Variants in SLC35D1 observed in about 807,000 individuals in gnomAD.
The protein encoded by SLC35D1 is nucleotide sugar transporter SLC35D1.
A neutral mutation model predicts 46.7 loss-of-function variants in SLC35D1; 31 were observed. The ratio of observed to expected loss-of-function variants is 0.66; its 90% confidence interval spans 0.50 to 0.90. SLC35D1 has a LOEUF of 0.90. Among genes scored for constraint, SLC35D1 ranks in the 40% least tolerant of loss-of-function variants. The pLI, the probability that SLC35D1 is intolerant of heterozygous loss-of-function variation, is 0.00. For synonymous variants in SLC35D1, 195 were observed against 164.6 expected (o/e 1.18, Z -1.41); for missense variants, 397 against 426.2 (o/e 0.93, Z 0.60).
chr1:67,020,586 A>C (rs1056928065), intron 9 of SLC35D1, 139 bp from the exon 10 acceptor site: 1 of 670,614 alleles, frequency 1.5e-6, no homozygotes, highest in Admixed American at 2.3e-5. Flanking sequence ...ACTGCTTCTT[A>C]TACTGCAGCT....
At chr1:67,052,721 T>A (rs780765804) in intron 3 of SLC35D1, 50 bp downstream of exon 3, 1 of 1,586,718 alleles carries the variant, frequency 6.3e-7, no homozygotes, top group Non-Finnish European at 8.7e-7. Context: ...AATATGTTAA[T>A]ACATACTGAC....
intron 7 of SLC35D1, among the ~76,000 whole-genome samples, chr1:67,043,534 G>C (rs1645218605): frequency 6.6e-6 from 1 of 152,216 alleles, no homozygotes; most frequent in East Asian, 1.9e-4. Context: ...ACCAGAGCAA[G>C]ACCCTGGCTC....
chr1:67,039,346 T>A (rs966142722), intron 8 of SLC35D1, among the ~76,000 whole-genome samples: 1 of 152,184 alleles, frequency 6.6e-6, no homozygotes, highest in Non-Finnish European at 1.5e-5. Flanking sequence ...GTTTATGTGG[T>A]CCTATAATCA....
At position 67,018,500 on chromosome 1, in the gene SLC35D1, C is replaced by G. The variant is rs116026794; in HGVS notation, c.876+1869G>C. On this transcript the variant is annotated intron_variant, in intron 10 of 11. Coordinates refer to ENST00000235345, the MANE Select transcript of SLC35D1 (RefSeq NM_015139.3). The stretch of plus-strand genomic sequence containing the variant: ...TCAAAAAAGAAATTATCAAGAAGCA[C>G]AGAAGAGTCATGATAGCTCAAAACT... 5.9e-3 allele frequency among the ~76,000 whole-genome samples: 901 copies of G among 152,278 alleles called. 7 individuals carry two copies. The highest frequency in any genetic ancestry group is 0.02 in the African/African-American group (840 of 41,558).
intron 7 of SLC35D1, among the ~76,000 whole-genome samples, chr1:67,042,968 C>T (rs1219707257): frequency 1.3e-5 from 2 of 152,120 alleles, no homozygotes; most frequent in African/African-American, 2.4e-5. Flanking sequence ...GAGGCTGAGG[C>T]AGGCAGATCA....
chr1:66,986,403 G>C, the SLC35D1 span: 1 of 1,612,238 alleles, frequency 6.2e-7, no homozygotes. Context: ...TCTCACACAG[G>C]CATACTCCAA....
At chr1:67,012,365 G>A (rs898916820) in intron 10 of SLC35D1, among the ~76,000 whole-genome samples, 1 of 151,714 alleles carries the variant, frequency 6.6e-6, no homozygotes, top group African/African-American at 2.4e-5. Flanking sequence ...TTTTTGGGCG[G>A]GGGCATGGGA....
intron 8 of SLC35D1, among the ~76,000 whole-genome samples, chr1:67,041,768 A>G (rs1283759301): frequency 1.3e-5 from 2 of 152,196 alleles, no homozygotes; most frequent in Non-Finnish European, 2.9e-5. Context: ...CACAATGCTA[A>G]ATATCTCCTG....
At chr1:67,013,792 G>A (rs188029390) in intron 10 of SLC35D1, among the ~76,000 whole-genome samples, 1 of 152,146 alleles carries the variant, frequency 6.6e-6, no homozygotes, top group Non-Finnish European at 1.5e-5. Context: ...TTTTAGAGGT[G>A]ACTGGTAACA....
chr1:67,019,526 C>T (rs1667754949), intron 10 of SLC35D1, among the ~76,000 whole-genome samples: 1 of 152,252 alleles, frequency 6.6e-6, no homozygotes, highest in Admixed American at 6.5e-5. Flanking sequence ...GTGGGCACCA[C>T]TCTATTGAGA....
rs1310329900 is a variant in SLC35D1, at chr1:66,999,503, T to C, written c.*4837A>G. 1 of 152,314 alleles carries C rather than the reference T, an allele frequency of 6.6e-6. No individual in the cohort carries two copies. The highest frequency in any genetic ancestry group is 1.5e-5 in the Non-Finnish European group (1 of 68,026). 9.4% of individuals were successfully genotyped at this position (152,314 alleles called of 1,614,324 possible). A position where few individuals can be genotyped will look rare whatever the true frequency, so the allele number is the denominator to read the frequency against. ...CCTTTTAACACTAAAAATGGTCATT[T>C]GGTAAATAGACTCTAAAATGAAAAA... On this transcript the variant is annotated 3_prime_UTR_variant, in exon 12 of 12. Coordinates refer to ENST00000235345, the MANE Select transcript of SLC35D1 (RefSeq NM_015139.3).
chr1:66,995,101 C>T (rs1667224161), downstream of SLC35D1, among the ~76,000 whole-genome samples: 1 of 152,104 alleles, frequency 6.6e-6, no homozygotes, highest in Admixed American at 6.5e-5. Context: ...ATGCATTCAC[C>T]TCCAGTTCTG....
intron 8 of SLC35D1, among the ~76,000 whole-genome samples, chr1:67,039,493 TTGTGTGTG>T (rs71801070): frequency 0.056 from 8,292 of 148,732 alleles, 253 homozygotes; most frequent in Middle Eastern, 0.099. Context: ...AGTGAAAAAA[TTGTGTGTG>T]TGTGTGTGTG....
At chr1:67,006,691 G>A (rs79790331) in intron 11 of SLC35D1, among the ~76,000 whole-genome samples, 5 of 7,790 alleles carry the variant, frequency 6.4e-4, no homozygotes, top group African/African-American at 5.6e-3. Context: ...CAGTGTATTG[G>A]AAAAAACACT....
chr1:67,047,511 G>A, intron 6 of SLC35D1, 144 bp from the exon 7 acceptor site: 1 of 754,720 alleles, frequency 1.3e-6, no homozygotes, highest in South Asian at 1.6e-5. Context: ...AGTATTTCTT[G>A]ATTTCTGGTC....
intron 6 of SLC35D1, among the ~76,000 whole-genome samples, chr1:67,048,670 T>C (rs1645275855): frequency 6.6e-6 from 1 of 152,198 alleles, no homozygotes; most frequent in African/African-American, 2.4e-5. Context: ...GGAAAACATA[T>C]GTCTGGCAGA....
rs371509595 is a variant in SLC35D1 at position 67,054,062 on chromosome 1, G to T, written c.-49C>A. ...GGCGGCGGGGCCTAGCGGCTCGGGG[G>T]CCTGCAGCGGCAGCTCCCAGGGGAC... On this transcript the variant is annotated 5_prime_UTR_variant, in exon 1 of 12. Transcript: ENST00000235345. 11 of 1,584,632 alleles carry T rather than the reference G, an allele frequency of 6.9e-6. No homozygotes were observed. The highest frequency in any genetic ancestry group is 1.4e-5 in the African/African-American group (1 of 73,944).
chr1:67,023,971 G>C (rs1396948882), intron 8 of SLC35D1, among the ~76,000 whole-genome samples: 1 of 147,870 alleles, frequency 6.8e-6, no homozygotes, highest in South Asian at 2.1e-4. Context: ...TTAAGACAGA[G>C]TCTCACTATG....
At chr1:67,042,153 G>T in intron 8 of SLC35D1, 83 bp downstream of exon 8, 2 of 1,317,302 alleles carry the variant, frequency 1.5e-6, no homozygotes, top group South Asian at 1.2e-5. Context: ...TATTTCTTTT[G>T]AACAACAAAG....
Sources: gnomAD v4.1 joint callset for allele counts (sites outside exome capture counted in the v4.1 genomes callset) on GRCh38, gnomAD v4.1.1 for gene constraint, MANE v1.5 for transcripts, NCBI Gene and HGNC (gene_info 2026-07-23, HGNC 2026-07-21) for gene names.